The following SEMA5A variants were observed in gnomAD, a reference collection of about 807,000 sequenced individuals.
SEMA5A encodes semaphorin 5A, also known as semaphorin-5A.
Under a neutral mutation model 135.5 loss-of-function variants are expected in SEMA5A, and 55 were observed. The observed-to-expected ratio is 0.41, with a 90% CI of 0.33 to 0.51. The LOEUF is 0.51. Ranked by LOEUF, SEMA5A falls within the 20% of genes least tolerant of loss-of-function variation. SEMA5A has a pLI of 0.37. For synonymous variants in SEMA5A, 580 were observed against 546.5 expected (o/e 1.06, Z -0.85); for missense variants, 1,290 against 1,419.9 (o/e 0.91, Z 1.47).
chr5:9,364,529 G>A (rs563318483), intron 3 of SEMA5A, among the ~76,000 whole-genome samples: 2 of 152,122 alleles, frequency 1.3e-5, no homozygotes, highest in South Asian at 2.1e-4. Context: ...GCTCCTTGAG[G>A]AGAAAAAAGC....
intron 1 of SEMA5A, among the ~76,000 whole-genome samples, chr5:9,468,920 C>T (rs1025041572): frequency 6.6e-5 from 10 of 152,312 alleles, no homozygotes; most frequent in East Asian, 1.9e-4. Context: ...TTTCCACTTT[C>T]GTATGTTGTA....
chr5:9,269,482 T>C (rs1749857039), intron 5 of SEMA5A, among the ~76,000 whole-genome samples: 1 of 152,152 alleles, frequency 6.6e-6, no homozygotes, highest in South Asian at 2.1e-4. Context: ...GCAAATGGCC[T>C]CACCTGTCTA....
intron 12 of SEMA5A, among the ~76,000 whole-genome samples, chr5:9,140,391 AT>A (rs1742001410): frequency 1.3e-5 from 2 of 152,230 alleles, no homozygotes; most frequent in Non-Finnish European, 2.9e-5. Context: ...GTGTGCATTT[AT>A]TATCCAGGTG....
At chr5:9,310,058 T>C (rs36100516) in intron 5 of SEMA5A, among the ~76,000 whole-genome samples, 37,852 of 152,000 alleles carry the variant, frequency 0.25, 5,538 homozygotes, top group Non-Finnish European at 0.32. Context: ...TACTGAGTCA[T>C]ATTGTGTTCA....
At chr5:9,215,542 T>C (rs1258324439) in intron 8 of SEMA5A, among the ~76,000 whole-genome samples, 1 of 151,816 alleles carries the variant, frequency 6.6e-6, no homozygotes, top group Non-Finnish European at 1.5e-5. Flanking sequence ...GACATAGGAT[T>C]GAAGCTATCA....
intron 13 of SEMA5A, 101 bp downstream of exon 13, chr5:9,136,403 A>T: frequency 1.0e-6 from 1 of 991,060 alleles, no homozygotes; most frequent in Non-Finnish European, 1.6e-6. Context: ...TGGTTCTCAT[A>T]TGAAAAGGTG....
intron 3 of SEMA5A, among the ~76,000 whole-genome samples, chr5:9,350,497 C>A (rs1009262791): frequency 6.6e-6 from 1 of 152,152 alleles, no homozygotes; most frequent in Non-Finnish European, 1.5e-5. Context: ...TTGATCCATG[C>A]CAGATAGTCT....
At chr5:9,322,941 T>C (rs1308803612) in intron 4 of SEMA5A, among the ~76,000 whole-genome samples, 5 of 152,164 alleles carry the variant, frequency 3.3e-5, no homozygotes, top group African/African-American at 1.2e-4. Flanking sequence ...AAAATTCAAG[T>C]CTTAGTTCTG....
At chr5:9,341,057 C>A (rs545996876) in intron 3 of SEMA5A, among the ~76,000 whole-genome samples, 1 of 152,200 alleles carries the variant, frequency 6.6e-6, no homozygotes, top group African/African-American at 2.4e-5. Context: ...TACATCCTCT[C>A]CTATTTCAAA....
At position 9,262,706 on chromosome 5, in the gene SEMA5A, T is replaced by C. The variant is rs866685517; in HGVS notation, c.271-24816A>G. On this transcript the variant is annotated intron_variant, in intron 5 of 22. Transcript: ENST00000382496. Reference sequence around the variant, plus strand: ...GTGGGAATTGAACAATGAGATCACATGGACACAGGAAGGGGAATATCACAC... The same window carrying C: ...GTGGGAATTGAACAATGAGATCACACGGACACAGGAAGGGGAATATCACAC... Among the ~76,000 whole-genome samples the C allele has an allele frequency of 9.4e-3, 840 of 89,418 alleles. 3 individuals carry two copies. Among genetic ancestry groups the C allele is most frequent in the Middle Eastern group, 0.018 (4 of 220 alleles). The allele number at this position is 89,418 out of a possible 152,430, so 58.7% of individuals were successfully genotyped here.
Position 9,330,781 on chromosome 5 carries a change from T to C in SEMA5A, c.224+6932A>G, listed in dbSNP as rs184957269. On this transcript the variant is annotated intron_variant, in intron 4 of 22. Coordinates refer to ENST00000382496, the MANE Select transcript of SEMA5A (RefSeq NM_003966.3). ...CCCAGAGAATCATAAAGGACATACC[T>C]GTGCATAGGGGCCAGCCCTGAGAAG... Among the ~76,000 whole-genome samples the C allele has an allele frequency of 8.5e-5, 13 of 152,170 alleles. No individual in the cohort carries two copies. The East Asian group carries it at 2.3e-3, about 27-fold the overall frequency.
intron 11 of SEMA5A, among the ~76,000 whole-genome samples, chr5:9,158,073 G>C (rs1743053132): frequency 6.6e-6 from 1 of 152,224 alleles, no homozygotes; most frequent in African/African-American, 2.4e-5. Context: ...AGGGCCAGTA[G>C]AGATTAGATG....
In SEMA5A at chr5:9,208,411, T is replaced by C. The variant is rs191780357; in HGVS notation, c.647-6171A>G. On this transcript the variant is annotated intron_variant, in intron 8 of 22. Coordinates refer to ENST00000382496, the MANE Select transcript of SEMA5A (RefSeq NM_003966.3). ...GCTGTCCTGGGCACTGGGTGCTCCT[T>C]AGTAAACTGATAGACACAGCCCGTG... Among the ~76,000 whole-genome samples the C allele has an allele frequency of 2.4e-3, 367 of 152,242 alleles. 2 individuals carry two copies. Among genetic ancestry groups the C allele is most frequent in the African/African-American group, 8.5e-3 (354 of 41,546 alleles).
intron 1 of SEMA5A, among the ~76,000 whole-genome samples, chr5:9,474,978 G>A (rs1759615532): frequency 6.6e-6 from 1 of 152,222 alleles, no homozygotes; most frequent in Admixed American, 6.5e-5. Context: ...GAGCCTCACT[G>A]TCACCCAGGC....
At chr5:9,536,661 T>A (rs80031700) in intron 1 of SEMA5A, among the ~76,000 whole-genome samples, 3,520 of 151,150 alleles carry the variant, frequency 0.023, 125 homozygotes, top group African/African-American at 0.081. Context: ...AGGATTTCCC[T>A]TTCCAGTTTA....
At chr5:9,048,144 G>T (rs770033982) in intron 21 of SEMA5A, among the ~76,000 whole-genome samples, 3 of 152,164 alleles carry the variant, frequency 2.0e-5, no homozygotes, top group Non-Finnish European at 2.9e-5. Context: ...GACAGTCCTG[G>T]ACCCTGGGTG....
At chr5:9,297,434 A>T (rs961187580) in intron 5 of SEMA5A, among the ~76,000 whole-genome samples, 1 of 152,202 alleles carries the variant, frequency 6.6e-6, no homozygotes, top group African/African-American at 2.4e-5. Context: ...AAAAGGAATC[A>T]GAGAACTCAG....
intron 18 of SEMA5A, among the ~76,000 whole-genome samples, chr5:9,054,793 G>GAAGGT (rs1339776037): frequency 6.6e-6 from 1 of 152,210 alleles, no homozygotes; most frequent in Non-Finnish European, 1.5e-5. Flanking sequence ...GTCCCATGAG[G>GAAGGT]AAGGTAACTG....
At chr5:9,086,170 T>C (rs530482071) in intron 16 of SEMA5A, among the ~76,000 whole-genome samples, 28 of 152,344 alleles carry the variant, frequency 1.8e-4, no homozygotes, top group South Asian at 8.3e-4. Flanking sequence ...GACTTTGGAC[T>C]GTGGACTTTT....
Sources: gnomAD v4.1 joint callset for allele counts (sites outside exome capture counted in the v4.1 genomes callset) on GRCh38, gnomAD v4.1.1 for gene constraint, MANE v1.5 for transcripts, NCBI Gene and HGNC (gene_info 2026-07-23, HGNC 2026-07-21) for gene names.